The following CNTN3 variants were observed in gnomAD, a reference collection of about 807,000 sequenced individuals.
CNTN3 encodes contactin 3, also known as contactin-3.
In CNTN3, 60 loss-of-function variants were observed where a neutral mutation model predicts 119.1. The observed-to-expected ratio is 0.50, with a 90% CI of 0.41 to 0.62. The LOEUF is 0.62. Ranked by LOEUF, CNTN3 falls within the 20% of genes least tolerant of loss-of-function variation. The pLI is 0.00. For synonymous variants in CNTN3, 450 were observed against 438.7 expected (o/e 1.03, Z -0.32); for missense variants, 1,101 against 1,242.4 (o/e 0.89, Z 1.71).
chr3:74,592,816 T>C (rs138881607), intron 1 of CNTN3, among the ~76,000 whole-genome samples: 1 of 151,982 alleles, frequency 6.6e-6, no homozygotes, highest in Non-Finnish European at 1.5e-5. Context: ...ACACTGATCA[T>C]AAATTGCACT....
At chr3:74,596,400 C>G (rs1559673250) in intron 1 of CNTN3, among the ~76,000 whole-genome samples, 1 of 152,092 alleles carries the variant, frequency 6.6e-6, no homozygotes, top group East Asian at 1.9e-4. Flanking sequence ...GCTGGAAGAA[C>G]AAAGCTGGAG....
chr3:74,417,579 A>G (rs7653211), intron 5 of CNTN3, among the ~76,000 whole-genome samples: 2,488 of 152,274 alleles, frequency 0.016, 40 homozygotes, highest in Middle Eastern at 0.044. Context: ...AGAAAGAAAA[A>G]AGGAAAGTTG....
At chr3:74,384,876 T>A (rs550477186) in intron 5 of CNTN3, among the ~76,000 whole-genome samples, 1 of 152,342 alleles carries the variant, frequency 6.6e-6, no homozygotes, top group East Asian at 1.9e-4. Flanking sequence ...AAATTTTATC[T>A]CAACAACATA....
intron 1 of CNTN3, among the ~76,000 whole-genome samples, chr3:74,598,563 CATAG>C (rs1318253296): frequency 6.6e-6 from 1 of 151,890 alleles, no homozygotes; most frequent in Non-Finnish European, 1.5e-5. Flanking sequence ...TGGCCCAAGC[CATAG>C]ATAATCAATA....
chr3:74,427,338 A>G (rs1701711726), intron 4 of CNTN3, among the ~76,000 whole-genome samples: 3 of 152,186 alleles, frequency 2.0e-5, no homozygotes, highest in Non-Finnish European at 4.4e-5. Context: ...AAGTAGACGG[A>G]CAGTAGTAGT....
chr3:74,315,873 T>C lies in CNTN3; in HGVS notation c.1669-13066A>G, dbSNP rs540284883. 1.8e-3 allele frequency among the ~76,000 whole-genome samples: 271 copies of C among 152,246 alleles called. 1 individual carries two copies. The highest frequency in any genetic ancestry group is 2.6e-3 in the Non-Finnish European group (179 of 67,998). ...AATAAAAATCCTAGGAAACACCCTA[T>C]GAAAATATTTTATATGGAAATACCC... is the stretch of plus-strand genomic sequence containing the variant. On this transcript the variant is annotated intron_variant, in intron 13 of 22. Transcript: ENST00000263665.
At chr3:74,598,986 A>G (rs1298518953) in intron 1 of CNTN3, among the ~76,000 whole-genome samples, 1 of 152,068 alleles carries the variant, frequency 6.6e-6, no homozygotes, top group Non-Finnish European at 1.5e-5. Context: ...ACTATTTTGA[A>G]GCAATATGAA....
intron 1 of CNTN3, among the ~76,000 whole-genome samples, chr3:74,548,712 G>T (rs1703948146): frequency 6.6e-6 from 1 of 152,102 alleles, no homozygotes; most frequent in Admixed American, 6.5e-5. Flanking sequence ...ACACTGAAGG[G>T]AATAACATTA....
In CNTN3 at chr3:74,499,715, T is replaced by A. The variant is rs138596182; in HGVS notation, c.126A>T (p.Glu42Asp). ...CACAATGCAAAGTTATTTTTTTATC[T>A]TCTGAACCAACAGGGAAAATGCTGT... ...PSNSIFPVGS[E>D]DKKITLHCEA... The change falls in exon 3 of 23, where the codon GAA becomes GAT. Residue 42 changes from glutamate (E) to aspartate (D), a missense_variant. By Grantham distance (45) the Glu-to-Asp change is conservative (BLOSUM62 2). Transcript: ENST00000263665. 1 of 1,611,912 alleles carries A rather than the reference T, an allele frequency of 6.2e-7. No homozygotes were observed.
intron 4 of CNTN3, among the ~76,000 whole-genome samples, chr3:74,432,157 A>G (rs1701794208): frequency 6.6e-6 from 1 of 152,214 alleles, no homozygotes. Flanking sequence ...TGAAAGAATC[A>G]GGTCGCTGCC....
chr3:74,376,171 T>C (rs957202660), intron 5 of CNTN3, among the ~76,000 whole-genome samples: 1 of 152,272 alleles, frequency 6.6e-6, no homozygotes, highest in East Asian at 1.9e-4. Context: ...TGTGAGCCCA[T>C]TGAGACTTGC....
At chr3:74,448,213 C>A (rs1456812169) in intron 4 of CNTN3, among the ~76,000 whole-genome samples, 3 of 152,114 alleles carry the variant, frequency 2.0e-5, no homozygotes, top group African/African-American at 7.2e-5. Context: ...TACATCCATT[C>A]TGAACACAAA....
At chr3:74,476,160 G>A (rs924258190) in intron 4 of CNTN3, among the ~76,000 whole-genome samples, 7 of 152,096 alleles carry the variant, frequency 4.6e-5, no homozygotes, top group Admixed American at 1.3e-4. Flanking sequence ...AATATATAAG[G>A]TGTCTTTAAA....
chr3:74,477,801 C>T (rs538917876), intron 4 of CNTN3, among the ~76,000 whole-genome samples: 2 of 151,862 alleles, frequency 1.3e-5, no homozygotes, highest in African/African-American at 2.4e-5. Flanking sequence ...GTCTCATATA[C>T]CCCATGAATA....
At chr3:74,416,706 A>T (rs1222255742) in intron 5 of CNTN3, among the ~76,000 whole-genome samples, 1 of 152,142 alleles carries the variant, frequency 6.6e-6, no homozygotes, top group Non-Finnish European at 1.5e-5. Flanking sequence ...GCAACTGACC[A>T]GCTGGGCGCA....
At chr3:74,606,908 G>A (rs942017635) in intron 1 of CNTN3, among the ~76,000 whole-genome samples, 8 of 152,170 alleles carry the variant, frequency 5.3e-5, no homozygotes, top group Non-Finnish European at 8.8e-5. Context: ...AAACAACAGC[G>A]CAATACATTA....
chr3:74,440,958 G>A (rs1188359106), intron 4 of CNTN3, among the ~76,000 whole-genome samples: 1 of 152,052 alleles, frequency 6.6e-6, no homozygotes, highest in East Asian at 1.9e-4. Flanking sequence ...CTGGAGTTTG[G>A]TATCCATGAG....
At chr3:74,547,733 T>C (rs936727446) in intron 1 of CNTN3, among the ~76,000 whole-genome samples, 2 of 152,202 alleles carry the variant, frequency 1.3e-5, no homozygotes, top group African/African-American at 4.8e-5. Context: ...CTGGCTGTTA[T>C]GTACTTCACA....
intron 5 of CNTN3, among the ~76,000 whole-genome samples, chr3:74,378,474 G>A (rs2106804946): frequency 6.6e-6 from 1 of 152,308 alleles, no homozygotes; most frequent in East Asian, 1.9e-4. Context: ...TACCAAGTCT[G>A]ACTTGCGAGG....
Sources: allele counts gnomAD v4.1 joint callset (sites outside exome capture counted in the v4.1 genomes callset), GRCh38; gene constraint gnomAD v4.1.1; transcripts MANE v1.5; gene names NCBI Gene and HGNC (gene_info 2026-07-23, HGNC 2026-07-21).